The following MAP1A variants were observed in gnomAD, a reference collection of about 807,000 sequenced individuals.
The protein encoded by MAP1A is microtubule-associated protein 1A.
Under a neutral mutation model 185.9 loss-of-function variants are expected in MAP1A, and 42 were observed. That is an observed-to-expected ratio of 0.23 (90% CI 0.18 to 0.29). The LOEUF is 0.29. MAP1A is among the 10% of genes least tolerant of loss of function. MAP1A has a pLI of 1.00. For synonymous variants in MAP1A, 1,229 were observed against 1,335.9 expected (o/e 0.92, Z 1.74); for missense variants, 2,995 against 3,450.4 (o/e 0.87, Z 3.31).
upstream of MAP1A, among the ~76,000 whole-genome samples, chr15:43,517,273 A>G (rs1375484002): frequency 6.6e-6 from 1 of 152,028 alleles, no homozygotes; most frequent in African/African-American, 2.4e-5. Context: ...TTTCTAAGAG[A>G]AGGGGGAGAG....
In MAP1A at chr15:43,529,644, C is replaced by T. The variant is rs761176038; in HGVS notation, c.8036-6C>T. On this transcript the variant is annotated splice_region_variant and splice_polypyrimidine_tract_variant and intron_variant, in intron 4 of 5. Coordinates refer to ENST00000300231, the MANE Select transcript of MAP1A (RefSeq NM_002373.6). The surrounding 1 kb of genome is among the most constrained non-coding windows in gnomAD (Gnocchi z 4.3). ...CTCTACAATGAATCCTGGCTTGTCT[C>T]TACAGTGGCCTTGAGTTCCAAGGGC... 6.2e-7 allele frequency: 1 copy of T among 1,613,740 alleles called. No individual in the cohort carries two copies. The highest frequency in any genetic ancestry group is 1.1e-5 in the South Asian group (1 of 91,076).
chr15:43,524,362 T>C lies in MAP1A; in HGVS notation c.2889T>C (p.Phe963=). Residue 963 remains phenylalanine (F), a synonymous_variant, in exon 4 of 6, where the codon TTT becomes TTC. Transcript: ENST00000300231. ...GCAGTCAATATGGAACTCCAGTGTT[T>C]AGTGCCCCTGGGCATGCCCTACATC... ...KLCSQYGTPV[F]SAPGHALHPG... is the part of the protein sequence containing the mutation. 17 of 1,614,202 alleles carry C rather than the reference T, an allele frequency of 1.1e-5. No individual in the cohort carries two copies. The highest frequency in any genetic ancestry group is 1.4e-5 in the Non-Finnish European group (17 of 1,180,026).
chr15:43,527,552 C>G lies in MAP1A; in HGVS notation c.6079C>G (p.Gln2027Glu). The G allele has an allele frequency of 1.9e-6, 3 of 1,614,140 alleles. No individual in the cohort carries two copies. The highest frequency in any genetic ancestry group is 2.5e-6 in the Non-Finnish European group (3 of 1,180,010). The stretch of plus-strand genomic sequence containing the variant: ...ATCTCCTATCTCACCCAAGAGCCTC[C>G]AGTCTGACACTCCAACCTTCAGCTA... Reference protein sequence around the residue: ...LSSPISPKSLQSDTPTFSYAA... With the variant: ...LSSPISPKSLESDTPTFSYAA... Residue 2027 changes from glutamine (Q) to glutamate (E), a missense_variant, in exon 4 of 6, where the codon CAG becomes GAG. Physicochemically the swap from Gln to Glu is conservative, Grantham distance 29 (BLOSUM62 2). Coordinates refer to ENST00000300231, the MANE Select transcript of MAP1A (RefSeq NM_002373.6).
Position 43,523,712 on chromosome 15 carries a change from G to A in MAP1A, c.2239G>A (p.Glu747Lys). 1 of 1,613,892 alleles carries A rather than the reference G, an allele frequency of 6.2e-7. No homozygotes were observed. Among genetic ancestry groups the A allele is most frequent in the Non-Finnish European group, 8.5e-7 (1 of 1,179,892 alleles). The change falls in exon 4 of 6, where the codon GAG becomes AAG. Residue 747 changes from glutamate to lysine, a missense_variant. Glu to Lys is a moderately conservative substitution (Grantham distance 56). Coordinates refer to ENST00000300231, the MANE Select transcript of MAP1A (RefSeq NM_002373.6). ...DETIPGYSET[E>K]QTISDEEIHD... Reference sequence around the variant, plus strand: ...GACAATCCCTGGCTACTCAGAGACTGAGCAGACCATCTCAGATGAGGAGAT... The same window carrying A: ...GACAATCCCTGGCTACTCAGAGACTAAGCAGACCATCTCAGATGAGGAGAT...
At position 43,522,534 on chromosome 15, in the gene MAP1A, A is replaced by G. The variant is rs752794662; in HGVS notation, c.1061A>G (p.Lys354Arg). The part of the protein sequence containing the change: ...GAKEARSELA[K>R]ELAKTEKKAK... ...AAGGAGGCACGTTCAGAGCTGGCCAAGGAGTTAGCCAAGACAGAGAAGAAG... is the reference window on the plus strand; with the variant it reads ...AAGGAGGCACGTTCAGAGCTGGCCAGGGAGTTAGCCAAGACAGAGAAGAAG... The change falls in exon 4 of 6, where the codon AAG becomes AGG. Residue 354 changes from lysine (K) to arginine (R), a missense_variant. By Grantham distance (26) the Lys-to-Arg change is conservative. Around this residue, in one of 3 missense-constraint regions of MAP1A, gnomAD observed 2,728 missense variants for 2,986.0 expected, o/e 0.91. Coordinates refer to ENST00000300231, the MANE Select transcript of MAP1A (RefSeq NM_002373.6). This position sits in a 1 kb window ranked among gnomAD's most constrained non-coding sequence, Gnocchi z 5.9. 31 of 1,612,508 alleles carry G rather than the reference A, an allele frequency of 1.9e-5. No individual in the cohort carries two copies. Among genetic ancestry groups the G allele is most frequent in the Non-Finnish European group, 2.5e-5 (30 of 1,179,236 alleles).
Position 43,524,594 on chromosome 15 carries a change from AAAG to A in MAP1A, c.3126_3128del (p.Glu1042del), listed in dbSNP as rs2079334303. On this transcript the variant is annotated inframe_deletion, in exon 4 of 6. Coordinates refer to ENST00000300231, the MANE Select transcript of MAP1A (RefSeq NM_002373.6). ...CACTAAGCGCACACCAGGTGTGGGC[AAAG>A]AAGATGCTGCTGAGGAGACAGTCAA... The A allele has an allele frequency of 8.1e-6, 13 of 1,614,160 alleles. No homozygotes were observed. Among genetic ancestry groups the A allele is most frequent in the African/African-American group, 1.3e-5 (1 of 75,046 alleles).
rs199900085 is a variant in MAP1A at position 43,525,710 on chromosome 15, A to G, written c.4237A>G (p.Arg1413Gly). ...GGATAAGGCTTTAGAACAAAAGGGC[A>G]GAGACTTAGAGCAAAAAGACACAGC... is the stretch of plus-strand genomic sequence containing the variant. ...QQDKALEQKG[R>G]DLEQKDTALE... The change falls in exon 4 of 6, where the codon AGA becomes GGA. Residue 1413 changes from arginine to glycine, a missense_variant. Arg to Gly is a moderately radical substitution (Grantham distance 125). This residue lies in a region of MAP1A where 2,728 missense variants were observed against 2,986.0 expected (regional missense o/e 0.91). Transcript: ENST00000300231. 1 of 1,614,246 alleles carries G rather than the reference A, an allele frequency of 6.2e-7. No individual in the cohort carries two copies. Among genetic ancestry groups the G allele is most frequent in the South Asian group, 1.1e-5 (1 of 91,086 alleles).
In MAP1A at chr15:43,524,049, C is replaced by T. The variant is rs2079331557; in HGVS notation, c.2576C>T (p.Thr859Ile). ...QSVASLTAPQ[T>I]EETGKSSLLL... The stretch of plus-strand genomic sequence containing the variant: ...GTGGCCTCACTTACAGCTCCCCAGA[C>T]AGAGGAGACAGGCAAGAGCTCCCTG... The change falls in exon 4 of 6, where the codon ACA becomes ATA. Residue 859 changes from threonine (T) to isoleucine (I), a missense_variant. By Grantham distance (89) the Thr-to-Ile change is moderately conservative. Coordinates refer to ENST00000300231, the MANE Select transcript of MAP1A (RefSeq NM_002373.6). 1 of 1,614,128 alleles carries T rather than the reference C, an allele frequency of 6.2e-7. No homozygotes were observed.
chr15:43,523,498 A>G lies in MAP1A; in HGVS notation c.2025A>G (p.Thr675=). ...HPSDEEEEDA[T]KAEGFYQKHM... ...CAGATGAGGAGGAAGAGGACGCGACAAAAGCTGAGGGTTTTTACCAAAAAC... is the reference window on the plus strand; with the variant it reads ...CAGATGAGGAGGAAGAGGACGCGACGAAAGCTGAGGGTTTTTACCAAAAAC... The change falls in exon 4 of 6, where the codon ACA becomes ACG. Residue 675 remains threonine, a synonymous_variant. Coordinates refer to ENST00000300231, the MANE Select transcript of MAP1A (RefSeq NM_002373.6). The G allele has an allele frequency of 6.2e-7, 1 of 1,614,126 alleles. No individual in the cohort carries two copies. The highest frequency in any genetic ancestry group is 8.5e-7 in the Non-Finnish European group (1 of 1,180,004).
Position 43,525,137 on chromosome 15 carries a change from C to T in MAP1A, c.3664C>T (p.Leu1222Phe), listed in dbSNP as rs1470070707. 2 of 1,614,214 alleles carry T rather than the reference C, an allele frequency of 1.2e-6. No homozygotes were observed. The highest frequency in any genetic ancestry group is 1.7e-6 in the Non-Finnish European group (2 of 1,180,036). ...TTCTAAGCAGCTCTCTCCAGAAAGC[C>T]TTGGCACCCTCCAGTTTGGGGAACT... ...VSSKQLSPES[L>F]GTLQFGELNL... The change falls in exon 4 of 6, where the codon CTT (leucine) becomes TTT (phenylalanine). Residue 1222 changes from leucine (L) to phenylalanine (F), a missense_variant. Leu to Phe is a conservative substitution (Grantham distance 22). Around this residue, in one of 3 missense-constraint regions of MAP1A, gnomAD observed 2,728 missense variants for 2,986.0 expected, o/e 0.91. Coordinates refer to ENST00000300231, the MANE Select transcript of MAP1A (RefSeq NM_002373.6).
At position 43,527,143 on chromosome 15, in the gene MAP1A, G is replaced by A. The variant is rs1060951; in HGVS notation, c.5670G>A (p.Val1890=). The change falls in exon 4 of 6, where the codon GTG becomes GTA. Residue 1890 remains valine (V), a synonymous_variant. Coordinates refer to ENST00000300231, the MANE Select transcript of MAP1A (RefSeq NM_002373.6). The stretch of plus-strand genomic sequence containing the variant: ...AGTATGACAGTGTGGTGGCTGCAGT[G>A]CAGGAGGGGGCAGCTGAGTTGGAAG... ...TAEYDSVVAA[V]QEGAAELEGG... is the part of the protein sequence containing the mutation. 1 of 1,612,310 alleles carries A rather than the reference G, an allele frequency of 6.2e-7. No individual in the cohort carries two copies.
chr15:43,511,064 C>A (rs574402433), exon 1 of MAP1A: 2 of 1,549,458 alleles, frequency 1.3e-6, no homozygotes, highest in African/African-American at 1.4e-5. Flanking sequence ...GCTCCGAAGT[C>A]CCGGCGCACC....
In MAP1A at chr15:43,525,929, G is replaced by A; in HGVS notation, c.4456G>A (p.Glu1486Lys). 1 of 1,613,982 alleles carries A rather than the reference G, an allele frequency of 6.2e-7. No individual in the cohort carries two copies. Among genetic ancestry groups the A allele is most frequent in the Non-Finnish European group, 8.5e-7 (1 of 1,179,928 alleles). ...CTTGGAACAAAAGGACAGGGTCCTA[G>A]AACAGAAGGAGAAGATCCCAGAAGA... ...KDLEQKDRVL[E>K]QKEKIPEEKD... is the part of the protein sequence containing the mutation. Residue 1486 changes from glutamate to lysine, a missense_variant, in exon 4 of 6, where the codon GAA becomes AAA. Physicochemically the swap from Glu to Lys is moderately conservative, Grantham distance 56. Around this residue, in one of 3 missense-constraint regions of MAP1A, gnomAD observed 2,728 missense variants for 2,986.0 expected, o/e 0.91. Transcript: ENST00000300231.
At chr15:43,520,329 A>G (rs1463856401) in intron 1 of MAP1A, among the ~76,000 whole-genome samples, 1 of 152,178 alleles carries the variant, frequency 6.6e-6, no homozygotes, top group Non-Finnish European at 1.5e-5. Flanking sequence ...CGAGAAGGAC[A>G]AAAGCTTCTT....
chr15:43,514,241 A>T (rs1003194259), upstream of MAP1A, among the ~76,000 whole-genome samples: 1 of 152,154 alleles, frequency 6.6e-6, no homozygotes, highest in Non-Finnish European at 1.5e-5. Flanking sequence ...TTAGGTTTGG[A>T]CATTTTTATC....
rs540397914 is a variant in MAP1A at position 43,528,335 on chromosome 15, G to A, written c.6862G>A (p.Glu2288Lys). 1.2e-6 allele frequency: 2 copies of A among 1,614,092 alleles called. No individual in the cohort carries two copies. The highest frequency in any genetic ancestry group is 2.2e-5 in the South Asian group (2 of 91,086). Residue 2288 changes from glutamate (E) to lysine (K), a missense_variant, in exon 4 of 6, where the codon GAG (glutamate) becomes AAG (lysine). By Grantham distance (56) the Glu-to-Lys change is moderately conservative. Transcript: ENST00000300231. ...SLEAAEQESG[E>K]LDPGMEPAAH... ...TGAGGCTGCAGAACAGGAGTCTGGA[G>A]AGCTGGACCCAGGAATGGAACCAGC...
At position 43,522,263 on chromosome 15, in the gene MAP1A, C is replaced by T. The variant is rs757738188; in HGVS notation, c.790C>T (p.Arg264Cys). ...LPANPTEKIV[R>C]VLFPGNAPQN... ...AGCCAATCCCACTGAGAAGATTGTG[C>T]GTGTGCTTTTTCCAGGAAATGCTCC... Residue 264 changes from arginine to cysteine, a missense_variant, in exon 4 of 6, where the codon CGT (arginine) becomes TGT (cysteine). Physicochemically the swap from Arg to Cys is radical, Grantham distance 180. Transcript: ENST00000300231. The surrounding 1 kb of genome is among the most constrained non-coding windows in gnomAD (Gnocchi z 5.9). 2.5e-6 allele frequency: 4 copies of T among 1,614,184 alleles called. No homozygotes were observed. The highest frequency in any genetic ancestry group is 2.2e-5 in the East Asian group (1 of 44,880).
chr15:43,520,294 C>G (rs1049522615), intron 1 of MAP1A, among the ~76,000 whole-genome samples: 1 of 152,202 alleles, frequency 6.6e-6, no homozygotes. Flanking sequence ...CCCCCATCCC[C>G]AGGCAGCACC....
Position 43,525,614 on chromosome 15 carries a change from G to A in MAP1A, c.4141G>A (p.Glu1381Lys), listed in dbSNP as rs758846305. ...AACTCTGGAGCACAAGGAGGTGGTA[G>A]AGCCGAAGGATACAGCCATCTATCA... ...DKTLEHKEVV[E>K]PKDTAIYQKD... The change falls in exon 4 of 6, where the codon GAG becomes AAG. Residue 1381 changes from glutamate (E) to lysine (K), a missense_variant. Physicochemically the swap from Glu to Lys is moderately conservative, Grantham distance 56 (BLOSUM62 1). Coordinates refer to ENST00000300231, the MANE Select transcript of MAP1A (RefSeq NM_002373.6). The A allele has an allele frequency of 3.1e-6, 5 of 1,614,026 alleles. No individual in the cohort carries two copies. Among genetic ancestry groups the A allele is most frequent in the East Asian group, 4.5e-5 (2 of 44,898 alleles).
Sources: gnomAD v4.1 joint callset for allele counts (sites outside exome capture counted in the v4.1 genomes callset) on GRCh38, gnomAD v4.1.1 for gene constraint, gnomAD v4.1.1 regional missense constraint, Gnocchi (gnomAD v3.1) non-coding constraint, MANE v1.5 for transcripts, NCBI Gene and HGNC (gene_info 2026-07-23, HGNC 2026-07-21) for gene names.